GABRG3: variants seen among roughly 807,000 people sequenced by gnomAD.
GABRG3 encodes the protein gamma-aminobutyric acid receptor subunit gamma-3.
In GABRG3, 25 loss-of-function variants were observed where a neutral mutation model predicts 48.8. The observed-to-expected ratio is 0.51, with a 90% CI of 0.37 to 0.72. The LOEUF (loss-of-function observed/expected upper bound fraction) is 0.72. Among genes scored for constraint, GABRG3 ranks in the 30% least tolerant of loss-of-function variants. The pLI, the probability that GABRG3 is intolerant of heterozygous loss-of-function variation, is 0.00. For missense variants in GABRG3, 394 were observed against 577.9 expected (o/e 0.68, Z 3.26); for synonymous variants, 227 against 217.6 (o/e 1.04, Z -0.38).
intron 6 of GABRG3, among the ~76,000 whole-genome samples, chr15:27,491,454 A>G (rs751323209): frequency 2.6e-5 from 4 of 152,196 alleles, no homozygotes; most frequent in Non-Finnish European, 5.9e-5. Flanking sequence ...TCCTGTCCGT[A>G]GGGGGTTTCC....
At position 27,220,037 on chromosome 15, in the gene GABRG3, C is replaced by T. The variant is rs553284997; in HGVS notation, c.271-106772C>T. Among the ~76,000 whole-genome samples, 18 of 152,182 alleles carry T rather than the reference C, an allele frequency of 1.2e-4. No individual in the cohort carries two copies. The East Asian group carries it at 3.1e-3, about 26-fold the overall frequency. Reference sequence around the variant, plus strand: ...AAGACCAAATACTGTCACTGGGATTCGCAGCAAGAGAGAGGCATTTATCAC... The same window carrying T: ...AAGACCAAATACTGTCACTGGGATTTGCAGCAAGAGAGAGGCATTTATCAC... On this transcript the variant is annotated intron_variant, in intron 3 of 9. Coordinates refer to ENST00000615808, the MANE Select transcript of GABRG3 (RefSeq NM_033223.5).
At position 26,971,361 on chromosome 15, in the gene GABRG3, A is replaced by C. The variant is rs2288695; in HGVS notation, c.-175A>C. On this transcript the variant is annotated 5_prime_UTR_variant, in exon 1 of 10. Coordinates refer to ENST00000615808, the MANE Select transcript of GABRG3 (RefSeq NM_033223.5). ...GTGGCCCGGCGTCCCGTGTGCGTCC[A>C]GTGTGCGCCCCGCGGGGGCGCGGCC... 0.89 allele frequency: 343,539 copies of C among 385,910 alleles called. 153,429 individuals carry two copies. The highest frequency in any genetic ancestry group is 0.98 in the African/African-American group (46,261 of 47,340). 23.9% of individuals were successfully genotyped at this position (385,910 alleles called of 1,614,324 possible). A position where few individuals can be genotyped will look rare whatever the true frequency, so the allele number is the denominator to read the frequency against.
At chr15:27,418,644 C>T (rs1170178333) in intron 5 of GABRG3, among the ~76,000 whole-genome samples, 3 of 152,164 alleles carry the variant, frequency 2.0e-5, no homozygotes, top group African/African-American at 4.8e-5. Context: ...CCATATCCCC[C>T]GTTAGCTTCT....
At position 27,319,662 on chromosome 15, in the gene GABRG3, A is replaced by G. The variant is rs1198010219; in HGVS notation, c.271-7147A>G. Among the ~76,000 whole-genome samples the G allele has an allele frequency of 6.6e-6, 1 of 152,124 alleles. No homozygotes were observed. ...TAAGAGGGTGTCCAGGCGTGGGCAG[A>G]GCACAAATGGGATGGGGAGGAAGGG... On this transcript the variant is annotated intron_variant, in intron 3 of 9. Coordinates refer to ENST00000615808, the MANE Select transcript of GABRG3 (RefSeq NM_033223.5). The surrounding 1 kb of genome is among the most constrained non-coding windows in gnomAD (Gnocchi z 4.4).
intron 3 of GABRG3, among the ~76,000 whole-genome samples, chr15:27,068,350 T>C (rs59263523): frequency 0.21 from 31,910 of 152,138 alleles, 3,495 homozygotes; most frequent in Middle Eastern, 0.27. Flanking sequence ...GGAGGAGCCA[T>C]CCACACTGCA....
At chr15:27,035,425 A>C (rs1206417497) in intron 3 of GABRG3, among the ~76,000 whole-genome samples, 2 of 152,086 alleles carry the variant, frequency 1.3e-5, no homozygotes, top group Non-Finnish European at 2.9e-5. Context: ...ATAGCTTCTT[A>C]TTTTCCTTTC....
At chr15:27,530,699 G>A (rs759214966) in intron 9 of GABRG3, 2 of 470,906 alleles carry the variant, frequency 4.2e-6, no homozygotes, top group South Asian at 3.1e-5. Flanking sequence ...AGAGCCTTCT[G>A]CCTCCCCGTC....
chr15:27,515,283 G>A (rs1156352114), intron 6 of GABRG3, among the ~76,000 whole-genome samples: 4 of 151,868 alleles, frequency 2.6e-5, no homozygotes, highest in African/African-American at 7.3e-5. Context: ...TAGTAGAGAC[G>A]GGGTTTCACC....
intron 5 of GABRG3, among the ~76,000 whole-genome samples, chr15:27,389,427 G>A (rs186817347): frequency 6.6e-6 from 1 of 152,310 alleles, no homozygotes; most frequent in Admixed American, 6.5e-5. Context: ...ATATGCTCAA[G>A]TAAATGAAAG....
Position 27,353,207 on chromosome 15 carries a change from A to G in GABRG3, c.574+24319A>G, listed in dbSNP as rs116374042. Among the ~76,000 whole-genome samples the G allele has an allele frequency of 6.2e-3, 939 of 151,850 alleles. 7 individuals are homozygous for G. Among genetic ancestry groups the G allele is most frequent in the African/African-American group, 0.02 (844 of 41,396 alleles). Reference sequence around the variant, plus strand: ...CTGGTCAGCTGTGTTCCTGTAACCAATCTCCATCTCACTGGGAACAAAAGG... The same window carrying G: ...CTGGTCAGCTGTGTTCCTGTAACCAGTCTCCATCTCACTGGGAACAAAAGG... On this transcript the variant is annotated intron_variant, in intron 5 of 9. Coordinates refer to ENST00000615808, the MANE Select transcript of GABRG3 (RefSeq NM_033223.5).
chr15:27,346,327 C>A (rs1404240983), intron 5 of GABRG3, among the ~76,000 whole-genome samples: 1 of 152,136 alleles, frequency 6.6e-6, no homozygotes, highest in Admixed American at 6.5e-5. Flanking sequence ...AATTTACACC[C>A]TTCATTCCCC....
chr15:26,985,302 C>T (rs1895130858), intron 2 of GABRG3, among the ~76,000 whole-genome samples: 1 of 152,194 alleles, frequency 6.6e-6, no homozygotes, highest in African/African-American at 2.4e-5. Context: ...TGAGATGATG[C>T]AGACAACTCC....
At chr15:27,181,316 A>G (rs1312205829) in intron 3 of GABRG3, among the ~76,000 whole-genome samples, 3 of 152,186 alleles carry the variant, frequency 2.0e-5, no homozygotes, top group Admixed American at 2.0e-4. Context: ...AGAGAAAAAC[A>G]AGAGTTAGTT....
intron 6 of GABRG3, among the ~76,000 whole-genome samples, chr15:27,512,849 G>T (rs778489415): frequency 6.6e-6 from 1 of 152,130 alleles, no homozygotes; most frequent in Non-Finnish European, 1.5e-5. Context: ...ATACCCTAGG[G>T]CTGACCTCCA....
intron 3 of GABRG3, among the ~76,000 whole-genome samples, chr15:27,271,326 A>T (rs1219645972): frequency 6.6e-6 from 1 of 152,154 alleles, no homozygotes; most frequent in Non-Finnish European, 1.5e-5. Flanking sequence ...TTCCACCAGA[A>T]CTGCCTCCGC....
chr15:26,984,391 C>T (rs1343369652), intron 2 of GABRG3, among the ~76,000 whole-genome samples: 1 of 152,152 alleles, frequency 6.6e-6, no homozygotes, highest in Non-Finnish European at 1.5e-5. Flanking sequence ...TTAATAGACT[C>T]GTTCGTTCAT....
At chr15:27,118,146 A>G (rs1040746399) in intron 3 of GABRG3, among the ~76,000 whole-genome samples, 1 of 152,196 alleles carries the variant, frequency 6.6e-6, no homozygotes, top group African/African-American at 2.4e-5. Context: ...TAATTCTTTA[A>G]TAATAACTTA....
At chr15:27,134,703 A>G (rs2140385331) in intron 3 of GABRG3, among the ~76,000 whole-genome samples, 1 of 152,328 alleles carries the variant, frequency 6.6e-6, no homozygotes, top group South Asian at 2.1e-4. Flanking sequence ...CACCTCCTCC[A>G]GGAAGCCCTC....
chr15:27,210,218 C>T (rs1201899004), intron 3 of GABRG3, among the ~76,000 whole-genome samples: 1 of 152,154 alleles, frequency 6.6e-6, no homozygotes, highest in African/African-American at 2.4e-5. Flanking sequence ...GAAAAGGGCC[C>T]CCATTCCTCC....
Sources: allele counts gnomAD v4.1 joint callset (sites outside exome capture counted in the v4.1 genomes callset), GRCh38; gene constraint gnomAD v4.1.1; non-coding constraint Gnocchi (gnomAD v3.1); transcripts MANE v1.5; gene names NCBI Gene and HGNC (gene_info 2026-07-23, HGNC 2026-07-21).